Variants in WDR64 observed in about 807,000 individuals in gnomAD.
The protein encoded by WDR64 is WD repeat-containing protein 64.
A neutral mutation model predicts 139.3 loss-of-function variants in WDR64; 112 were observed. The observed-to-expected ratio is 0.80, with a 90% confidence interval of 0.69 to 0.94. The LOEUF is 0.94. Among genes scored for constraint, WDR64 ranks in the 40% least tolerant of loss-of-function variants. WDR64 has a pLI of 0.00. For synonymous variants in WDR64, 444 were observed against 437.7 expected, an observed-to-expected ratio of 1.01 and a Z score of -0.18; for missense variants, 1,206 against 1,293.1, an observed-to-expected ratio of 0.93 and a Z score of 1.03.
chr1:241,771,804 A>T (rs1050421080), intron 19 of WDR64, 107 bp downstream of exon 19: 18 of 510,808 alleles, frequency 3.5e-5, no homozygotes, highest in African/African-American at 2.1e-4. Context: ...TTAATATATA[A>T]ATTCATTATA....
At position 241,766,312 on chromosome 1, in the gene WDR64, T is replaced by A; in HGVS notation, c.2042T>A (p.Ile681Asn). The A allele has an allele frequency of 6.2e-7, 1 of 1,614,100 alleles. No individual in the cohort carries two copies. Among genetic ancestry groups the A allele is most frequent in the Non-Finnish European group, 8.5e-7 (1 of 1,179,994 alleles). ...GCAGCTGGAACCTTAAATGGTGTGA[T>A]CATCTTATGGAATTTTGTGACGTCT... ...LIAAGTLNGVIILWNFVTSTV... is the reference protein window; with the variant it reads ...LIAAGTLNGVNILWNFVTSTV... The change falls in exon 16 of 28, where the codon ATC becomes AAC. Residue 681 changes from isoleucine to asparagine, a missense_variant. Physicochemically the swap from Ile to Asn is moderately radical, Grantham distance 149 (BLOSUM62 -3). Coordinates refer to ENST00000437684, the MANE Select transcript of WDR64 (RefSeq NM_001367482.1).
chr1:241,760,806 C>T (rs1364267308), intron 15 of WDR64, among the ~76,000 whole-genome samples: 40 of 139,062 alleles, frequency 2.9e-4, no homozygotes, highest in Non-Finnish European at 5.6e-4. Context: ...CACTCTTTCG[C>T]CCAAGCTGGA....
intron 15 of WDR64, among the ~76,000 whole-genome samples, chr1:241,762,578 GTACTC>G (rs1657967490): frequency 1.3e-5 from 2 of 151,898 alleles, no homozygotes; most frequent in Admixed American, 1.3e-4. Context: ...TAATATTATA[GTACTC>G]TAATCAAACC....
chr1:241,769,323 C>T (rs1658327150), intron 16 of WDR64, 81 bp from the exon 17 acceptor site: 1 of 1,101,966 alleles, frequency 9.1e-7, no homozygotes, highest in African/African-American at 1.6e-5. Flanking sequence ...TTGCCTAGCT[C>T]TGCAGAGGAT....
chr1:241,745,879 A>G (rs1669737577), intron 13 of WDR64, among the ~76,000 whole-genome samples: 1 of 152,198 alleles, frequency 6.6e-6, no homozygotes, highest in Non-Finnish European at 1.5e-5. Context: ...AAAGCTGAGG[A>G]GTACGTCTCT....
In WDR64 at chr1:241,674,055, A is replaced by C. The variant is rs1401520119; in HGVS notation, c.380-589A>C. On this transcript the variant is annotated intron_variant, in intron 3 of 27. Coordinates refer to ENST00000437684, the MANE Select transcript of WDR64 (RefSeq NM_001367482.1). Reference sequence around the variant, plus strand: ...AATATGCACATGCACGTGTGTGTGTAGGGGGTGGGTGGGTGTGTGTCTTGC... The same window carrying C: ...AATATGCACATGCACGTGTGTGTGTCGGGGGTGGGTGGGTGTGTGTCTTGC... Among the ~76,000 whole-genome samples the C allele has an allele frequency of 3.9e-5, 6 of 151,970 alleles. No individual in the cohort carries two copies. The East Asian group carries it at 1.2e-3, about 29-fold the overall frequency.
At chr1:241,741,724 C>G (rs920885839) in intron 12 of WDR64, 60 bp downstream of exon 12, 12 of 1,470,670 alleles carry the variant, frequency 8.2e-6, no homozygotes, top group Non-Finnish European at 1.1e-5. Context: ...ATTTTCTGTT[C>G]TTAAAATAAA....
At chr1:241,708,359 C>A (rs965268831) in intron 8 of WDR64, among the ~76,000 whole-genome samples, 13 of 152,288 alleles carry the variant, frequency 8.5e-5, no homozygotes, top group African/African-American at 3.1e-4. Flanking sequence ...CAGACTTCCC[C>A]AGGCCAGAGT....
chr1:241,699,448 G>T (rs1366906771), intron 8 of WDR64, among the ~76,000 whole-genome samples: 1 of 152,166 alleles, frequency 6.6e-6, no homozygotes, highest in Admixed American at 6.6e-5. Flanking sequence ...AATAAGACTA[G>T]GTTGTCGACC....
chr1:241,658,295 G>GTGTT (rs1558457504), intron 1 of WDR64, among the ~76,000 whole-genome samples: 1 of 151,406 alleles, frequency 6.6e-6, no homozygotes, highest in Non-Finnish European at 1.5e-5. Context: ...GTGTGTGTGT[G>GTGTT]TGTGTGTGTG....
At chr1:241,757,123 AAG>A (rs1670221144) in intron 14 of WDR64, among the ~76,000 whole-genome samples, 158 bp from the exon 15 acceptor site, 1 of 152,236 alleles carries the variant, frequency 6.6e-6, no homozygotes, top group African/African-American at 2.4e-5. Flanking sequence ...GGAGGGAAGA[AAG>A]AGGAATTATA....
At chr1:241,704,878 C>G (rs1240538828) in intron 8 of WDR64, among the ~76,000 whole-genome samples, 2 of 152,116 alleles carry the variant, frequency 1.3e-5, no homozygotes, top group Non-Finnish European at 2.9e-5. Flanking sequence ...AGACCCATGA[C>G]CTTTACACCA....
intron 7 of WDR64, among the ~76,000 whole-genome samples, chr1:241,686,777 G>C (rs1257990584): frequency 6.6e-6 from 1 of 152,046 alleles, no homozygotes; most frequent in Non-Finnish European, 1.5e-5. Context: ...AGTTTGAAAA[G>C]TACTAATGGA....
At chr1:241,690,192 G>C (rs1667160821) in intron 8 of WDR64, among the ~76,000 whole-genome samples, 1 of 152,106 alleles carries the variant, frequency 6.6e-6, no homozygotes, top group African/African-American at 2.4e-5. Flanking sequence ...AAAAAAACTG[G>C]CTGGGCGCAG....
chr1:241,654,666 GTA>G (rs144523924), intron 1 of WDR64, among the ~76,000 whole-genome samples: 7,738 of 152,118 alleles, frequency 0.051, 368 homozygotes, highest in African/African-American at 0.11. Context: ...AGATATCTTG[GTA>G]TAGGCTGTAT....
intron 25 of WDR64, among the ~76,000 whole-genome samples, chr1:241,794,668 C>T (rs1270299394): frequency 2.0e-5 from 3 of 151,858 alleles, no homozygotes; most frequent in Non-Finnish European, 4.4e-5. Flanking sequence ...GCCACCACGC[C>T]CAGCTAATTT....
At chr1:241,792,428 C>T (rs1402244352) in intron 25 of WDR64, among the ~76,000 whole-genome samples, 1 of 151,988 alleles carries the variant, frequency 6.6e-6, no homozygotes, top group Non-Finnish European at 1.5e-5. Flanking sequence ...CCCAGCTACT[C>T]AGGAGGCTGA....
rs1300759168 is a variant in WDR64 at position 241,802,609 on chromosome 1, TA to T, written c.*1395del. Among the ~76,000 whole-genome samples, 1 of 152,224 alleles carries T rather than the reference TA, an allele frequency of 6.6e-6. No homozygotes were observed. Among genetic ancestry groups the T allele is most frequent in the Non-Finnish European group, 1.5e-5 (1 of 68,024 alleles). On this transcript the variant is annotated 3_prime_UTR_variant, in exon 28 of 28. Transcript: ENST00000437684. ...TCATTGATATGCATGCTAATAGGAT[TA>T]CTAGTGTCTTCCACTTACTTTGAAA...
intron 10 of WDR64, among the ~76,000 whole-genome samples, chr1:241,733,491 A>AAAGAGAAGAGAAGAG (rs1553373196): frequency 1.2e-4 from 18 of 151,468 alleles, no homozygotes; most frequent in African/African-American, 4.4e-4. Context: ...AAAGAAAAGA[A>AAAGAGAAGAGAAGAG]AAGAGAAGAG....
Sources: allele counts gnomAD v4.1 joint callset (sites outside exome capture counted in the v4.1 genomes callset), GRCh38; gene constraint gnomAD v4.1.1; transcripts MANE v1.5; gene names NCBI Gene and HGNC (gene_info 2026-07-23, HGNC 2026-07-21).